Variants in TRAK2 observed in about 807,000 individuals in gnomAD.
The protein encoded by TRAK2 is trafficking kinesin protein 2.
TRAK2 carries 81 observed loss-of-function variants against 104.6 expected under a neutral mutation model. The observed-to-expected ratio is 0.77, with a 90% CI of 0.65 to 0.93. The LOEUF (loss-of-function observed/expected upper bound fraction) is 0.93. Among genes scored for constraint, TRAK2 ranks in the 40% least tolerant of loss-of-function variants. The pLI is 0.00. For synonymous variants in TRAK2, 406 were observed against 394.4 expected (o/e 1.03, Z -0.35); for missense variants, 1,002 against 1,089.0 (o/e 0.92, Z 1.12).
At chr2:201,420,857 CA>C (rs1213567655) in intron 1 of TRAK2, among the ~76,000 whole-genome samples, 151 bp from the exon 2 acceptor site, 2 of 151,796 alleles carry the variant, frequency 1.3e-5, no homozygotes, top group Non-Finnish European at 2.9e-5. Flanking sequence ...AGAAGTCAGA[CA>C]AAAAAAGAGT....
chr2:201,386,326 T>C lies in TRAK2; in HGVS notation c.1855A>G (p.Thr619Ala), dbSNP rs1559437054. The change falls in exon 14 of 16, where the codon ACT (threonine) becomes GCT (alanine). Residue 619 changes from threonine to alanine, a missense_variant. By Grantham distance (58) the Thr-to-Ala change is moderately conservative. Transcript: ENST00000332624. ...DLEEDEEEGI[T>A]FQVQQPLEVE... ...TCAAGAGGTTGCTGAACCTGAAAAG[T>C]AATACCCTCCTCTTCATCCTCTTCT... 1.2e-6 allele frequency: 2 copies of C among 1,614,172 alleles called. No homozygotes were observed. Among genetic ancestry groups the C allele is most frequent in the South Asian group, 1.1e-5 (1 of 91,086 alleles).
At chr2:201,430,639 TATA>T (rs2125658772) in intron 1 of TRAK2, among the ~76,000 whole-genome samples, 1 of 152,342 alleles carries the variant, frequency 6.6e-6, no homozygotes, top group East Asian at 1.9e-4. Flanking sequence ...AGGCATGGGA[TATA>T]ATGTCCTGGT....
intron 1 of TRAK2, among the ~76,000 whole-genome samples, chr2:201,438,711 T>A (rs1951897431): frequency 6.6e-6 from 1 of 152,236 alleles, no homozygotes; most frequent in African/African-American, 2.4e-5. Flanking sequence ...GGTTACTGAA[T>A]ATAGAAGAAG....
chr2:201,396,202 G>A (rs1358057213), intron 7 of TRAK2, among the ~76,000 whole-genome samples: 3 of 152,146 alleles, frequency 2.0e-5, no homozygotes, highest in South Asian at 2.1e-4. Flanking sequence ...AAAGGATGGC[G>A]ATACACAGGC....
At chr2:201,411,404 C>T (rs1453089886) in intron 2 of TRAK2, 1 of 746,424 alleles carries the variant, frequency 1.3e-6, no homozygotes, top group Non-Finnish European at 2.5e-6. Context: ...TGTCAATTTG[C>T]TGATTCCCAA....
chr2:201,413,487 G>C (rs946776566), intron 2 of TRAK2, among the ~76,000 whole-genome samples: 1 of 151,998 alleles, frequency 6.6e-6, no homozygotes, highest in Non-Finnish European at 1.5e-5. Flanking sequence ...ACTAAGGGAG[G>C]GGGGAAAAGA....
At chr2:201,431,699 TCA>T (rs1951843676) in intron 1 of TRAK2, among the ~76,000 whole-genome samples, 1 of 152,202 alleles carries the variant, frequency 6.6e-6, no homozygotes, top group African/African-American at 2.4e-5. Flanking sequence ...AAGGTAATAT[TCA>T]CAGGATCCAG....
Position 201,446,146 on chromosome 2 carries a change from C to T in TRAK2, c.-200+5204G>A, listed in dbSNP as rs1307673588. Among the ~76,000 whole-genome samples, 6 of 152,196 alleles carry T rather than the reference C, an allele frequency of 3.9e-5. No individual in the cohort carries two copies. The South Asian group carries it at 1.0e-3, about 26-fold the overall frequency. On this transcript the variant is annotated intron_variant, in intron 1 of 15. Transcript: ENST00000332624. Reference sequence around the variant, plus strand: ...ACAACTTCTCTTGCCCCTCACTCCCCGAGAATTCTCTTCCCCAGACATTTC... The same window carrying T: ...ACAACTTCTCTTGCCCCTCACTCCCTGAGAATTCTCTTCCCCAGACATTTC...
intron 1 of TRAK2, among the ~76,000 whole-genome samples, chr2:201,436,918 T>C (rs1426144769): frequency 6.6e-6 from 1 of 152,210 alleles, no homozygotes. Flanking sequence ...TAAACACATA[T>C]AATTCTAGAT....
rs755227701 is a variant in TRAK2 at position 201,381,168 on chromosome 2, T to C, written c.2120A>G (p.Asn707Ser). ...SCGSSGSSSS[N>S]TAVNSPALSY... is the part of the protein sequence containing the mutation. ...CAAGGCAGGAGAATTCACAGCCGTG[T>C]TGGATGAACTGCTACCGCTACTTCC... Residue 707 changes from asparagine to serine, a missense_variant, in exon 16 of 16, where the codon AAC becomes AGC. Asn to Ser is a conservative substitution (Grantham distance 46, BLOSUM62 1). Coordinates refer to ENST00000332624, the MANE Select transcript of TRAK2 (RefSeq NM_015049.3). 2.5e-6 allele frequency: 4 copies of C among 1,613,800 alleles called. No individual in the cohort carries two copies. In the South Asian group the frequency reaches 4.4e-5, roughly 18 times the overall value.
intron 10 of TRAK2, among the ~76,000 whole-genome samples, chr2:201,391,628 T>C (rs1347008945): frequency 6.6e-6 from 1 of 152,236 alleles, no homozygotes; most frequent in Non-Finnish European, 1.5e-5. Flanking sequence ...TAATTAACTG[T>C]TAATTACCGT....
At chr2:201,384,358 T>C in intron 14 of TRAK2, 142 bp from the exon 15 acceptor site, 1 of 670,212 alleles carries the variant, frequency 1.5e-6, no homozygotes, top group South Asian at 1.9e-5. Context: ...ATGAAATAAA[T>C]ATACATAAAG....
intron 3 of TRAK2, among the ~76,000 whole-genome samples, chr2:201,403,430 G>GT (rs967065456): frequency 6.6e-6 from 1 of 152,084 alleles, no homozygotes; most frequent in African/African-American, 2.4e-5. Flanking sequence ...CTCAGATGAT[G>GT]TAAGAGTCCA....
chr2:201,418,466 C>T (rs1333139761), intron 2 of TRAK2, among the ~76,000 whole-genome samples: 1 of 151,964 alleles, frequency 6.6e-6, no homozygotes, highest in East Asian at 1.9e-4. Flanking sequence ...TCTTAAATGG[C>T]CAGAATAATT....
Position 201,395,301 on chromosome 2 carries a change from T to A in TRAK2, c.900+13A>T, listed in dbSNP as rs1160468144. 1 of 1,596,396 alleles carries A rather than the reference T, an allele frequency of 6.3e-7. No homozygotes were observed. Among genetic ancestry groups the A allele is most frequent in the Non-Finnish European group, 8.6e-7 (1 of 1,166,556 alleles). On this transcript the variant is annotated intron_variant, in intron 8 of 15. Coordinates refer to ENST00000332624, the MANE Select transcript of TRAK2 (RefSeq NM_015049.3). ...GCTTAACAAATATCTGTTGAATGAA[T>A]GAATAAACCTACTTCTTTAAGTTTG...
At chr2:201,444,200 CAAAAAAATAAAT>C (rs1951947771) in intron 1 of TRAK2, among the ~76,000 whole-genome samples, 1 of 150,962 alleles carries the variant, frequency 6.6e-6, no homozygotes. Context: ...GACTCTGTCT[CAAAAAAATAAAT>C]AATAAAATAA....
At chr2:201,412,898 G>T in intron 2 of TRAK2, 1 of 794,332 alleles carries the variant, frequency 1.3e-6, no homozygotes, top group East Asian at 2.4e-5. Flanking sequence ...GGAGATATAG[G>T]GAAAGGGAGA....
In TRAK2 at chr2:201,380,603, A is replaced by G; in HGVS notation, c.2685T>C (p.Gly895=). 1 of 1,613,954 alleles carries G rather than the reference A, an allele frequency of 6.2e-7. No homozygotes were observed. Among genetic ancestry groups the G allele is most frequent in the Non-Finnish European group, 8.5e-7 (1 of 1,179,946 alleles). ...ATGTGCAAACTGGGGCAGCAAAGCT[A>G]CCCATTATGACTGGAAGACTCTGAT... ...RRNQSLPVIM[G]SFAAPVCTSS... is the part of the protein sequence containing the mutation. The change falls in exon 16 of 16, where the codon GGT becomes GGC. Residue 895 remains glycine (G), a synonymous_variant. Transcript: ENST00000332624.
intron 2 of TRAK2, chr2:201,412,436 G>A (rs1325825527): frequency 8.0e-7 from 1 of 1,249,472 alleles, no homozygotes; most frequent in Admixed American, 1.7e-5. Context: ...ATATTTATAA[G>A]TGAACTAGAT....
Sources: gnomAD v4.1 joint callset for allele counts (sites outside exome capture counted in the v4.1 genomes callset) on GRCh38, gnomAD v4.1.1 for gene constraint, MANE v1.5 for transcripts, NCBI Gene and HGNC (gene_info 2026-07-23, HGNC 2026-07-21) for gene names.